The following GPT2 variants were observed in gnomAD, a reference collection of about 807,000 sequenced individuals.
GPT2 encodes the protein glutamic--pyruvic transaminase 2.
In GPT2, 30 loss-of-function variants were observed where a neutral mutation model predicts 56.9. The ratio of observed to expected loss-of-function variants is 0.53; its 90% CI spans 0.39 to 0.72. The LOEUF (loss-of-function observed/expected upper bound fraction) is 0.72. Ranked by LOEUF, GPT2 falls within the 30% of genes least tolerant of loss-of-function variation. GPT2 has a pLI of 0.00. For missense variants in GPT2, 542 were observed against 703.4 expected, an observed-to-expected ratio of 0.77 and a Z score of 2.60; for synonymous variants, 271 against 283.1, an observed-to-expected ratio of 0.96 and a Z score of 0.43.
In GPT2 at chr16:46,897,744, C is replaced by T. The variant is rs773991052; in HGVS notation, c.333+7C>T. ...AATCACCTTCCTCCGGCAGGTGAGC[C>T]GCCCCCAGGAGCAGAGGCTGCAGGA... is the stretch of plus-strand genomic sequence containing the variant. On this transcript the variant is annotated splice_region_variant and intron_variant, in intron 3 of 11. Transcript: ENST00000340124. 4.3e-5 allele frequency: 69 copies of T among 1,613,312 alleles called. 1 individual carries two copies. The South Asian group carries it at 4.5e-4, about 11-fold the overall frequency.
At chr16:46,913,182 G>A (rs1357999957) in intron 6 of GPT2, among the ~76,000 whole-genome samples, 2 of 152,170 alleles carry the variant, frequency 1.3e-5, no homozygotes, top group African/African-American at 4.8e-5. Context: ...TTATCCTCAC[G>A]CTGTGTGTAA....
rs1596639216 is a variant in GPT2, at chr16:46,929,138, GTCTT to G, written c.*147_*150del. ...TCGTCATCATTTTGCCCCTGGAGAC[GTCTT>G]TCTTTGTGCCTTGATGTTGAGAGCG... On this transcript the variant is annotated 3_prime_UTR_variant, in exon 12 of 12. Coordinates refer to ENST00000340124, the MANE Select transcript of GPT2 (RefSeq NM_133443.4). 3.1e-6 allele frequency: 2 copies of G among 649,962 alleles called. No homozygotes were observed. The highest frequency in any genetic ancestry group is 2.7e-5 in the East Asian group (1 of 36,682). The allele number at this position is 649,962 out of a possible 1,614,324, so 40.3% of individuals were successfully genotyped here.
At chr16:46,909,286 A>AAT (rs896717880) in intron 5 of GPT2, among the ~76,000 whole-genome samples, 25 of 152,278 alleles carry the variant, frequency 1.6e-4, no homozygotes, top group Admixed American at 4.6e-4. Flanking sequence ...TCTGTTTAAA[A>AAT]ATATATATTT....
intron 2 of GPT2, among the ~76,000 whole-genome samples, chr16:46,885,972 G>A (rs1960475324): frequency 6.6e-6 from 1 of 152,172 alleles, no homozygotes; most frequent in Non-Finnish European, 1.5e-5. Context: ...TCCCATGAAT[G>A]CATGGCAGTA....
intron 6 of GPT2, chr16:46,915,673 C>T (rs1596627828): frequency 6.8e-6 from 1 of 147,264 alleles, no homozygotes; most frequent in East Asian, 2.1e-4. Context: ...ACAGACACAC[C>T]TCAACACACC....
chr16:46,913,968 A>G (rs1961093942), intron 6 of GPT2, among the ~76,000 whole-genome samples: 1 of 152,178 alleles, frequency 6.6e-6, no homozygotes, highest in Non-Finnish European at 1.5e-5. Flanking sequence ...ATAGAAACAT[A>G]TGTACACACA....
At chr16:46,898,675 G>A (rs1365229875) in intron 3 of GPT2, among the ~76,000 whole-genome samples, 3 of 151,838 alleles carry the variant, frequency 2.0e-5, no homozygotes, top group Non-Finnish European at 4.4e-5. Flanking sequence ...TCAGCCTCCT[G>A]AGTAGCTGGG....
At chr16:46,928,780 G>A in intron 11 of GPT2, 127 bp from the exon 12 acceptor site, 1 of 703,430 alleles carries the variant, frequency 1.4e-6, no homozygotes. Flanking sequence ...GTGCTGTCCG[G>A]GCTGGAGCTG....
At chr16:46,887,206 C>T (rs570390284) in intron 2 of GPT2, among the ~76,000 whole-genome samples, 4 of 151,788 alleles carry the variant, frequency 2.6e-5, no homozygotes, top group Admixed American at 1.3e-4. Flanking sequence ...CGGTGGCTCA[C>T]GCCTGTAATC....
intron 11 of GPT2, among the ~76,000 whole-genome samples, chr16:46,927,961 G>T (rs1254324089): frequency 1.3e-5 from 2 of 152,130 alleles, no homozygotes; most frequent in African/African-American, 2.4e-5. Context: ...GATAAAAAAG[G>T]CCCCTCAGGT....
intron 8 of GPT2, among the ~76,000 whole-genome samples, chr16:46,919,035 C>A (rs1961228393): frequency 6.6e-6 from 1 of 152,198 alleles, no homozygotes; most frequent in South Asian, 2.1e-4. Context: ...TTCTCTGTCA[C>A]TTGTTCCGAG....
At chr16:46,919,546 A>G (rs1221694733) in intron 8 of GPT2, among the ~76,000 whole-genome samples, 1 of 152,228 alleles carries the variant, frequency 6.6e-6, no homozygotes, top group African/African-American at 2.4e-5. Context: ...TGCTGGCAGA[A>G]CACACCTGCC....
chr16:46,897,972 C>T (rs543974501), intron 3 of GPT2, among the ~76,000 whole-genome samples: 59 of 152,278 alleles, frequency 3.9e-4, no homozygotes, highest in African/African-American at 1.3e-3. Context: ...AGGCGGGGTC[C>T]TGGGAGCTGA....
chr16:46,884,800 G>T lies in GPT2; in HGVS notation c.85G>T (p.Ala29Ser). ...SWGRSQSSAA[A>S]EASAVLKVRP... ...GGGCCGCAGCCAGAGCAGCGCGGCCGCCGAGGCCTCGGCGGTGCTCAAGGT... is the reference window on the plus strand; with the variant it reads ...GGGCCGCAGCCAGAGCAGCGCGGCCTCCGAGGCCTCGGCGGTGCTCAAGGT... Residue 29 changes from alanine to serine, a missense_variant, in exon 2 of 12, where the codon GCC becomes TCC. Ala to Ser is a moderately conservative substitution (Grantham distance 99). Transcript: ENST00000340124. The T allele has an allele frequency of 6.6e-7, 1 of 1,517,566 alleles. No individual in the cohort carries two copies. The highest frequency in any genetic ancestry group is 8.8e-7 in the Non-Finnish European group (1 of 1,132,698). 94.0% of individuals were successfully genotyped at this position (1,517,566 alleles called of 1,614,324 possible).
intron 5 of GPT2, among the ~76,000 whole-genome samples, chr16:46,907,228 C>T (rs957734801): frequency 3.3e-5 from 5 of 152,242 alleles, no homozygotes; most frequent in Non-Finnish European, 4.4e-5. Context: ...GGGGGACACC[C>T]GAGGGTAGCC....
At chr16:46,915,847 CACAT>C (rs1455462058) in intron 6 of GPT2, 1 of 149,522 alleles carries the variant, frequency 6.7e-6, no homozygotes, top group East Asian at 2.0e-4. Flanking sequence ...CACACCTACA[CACAT>C]ACACAGACAC....
At position 46,927,031 on chromosome 16, in the gene GPT2, A is replaced by G; in HGVS notation, c.1475A>G (p.His492Arg). 6.3e-7 allele frequency: 1 copy of G among 1,589,488 alleles called. No homozygotes were observed. Among genetic ancestry groups the G allele is most frequent in the East Asian group, 2.2e-5 (1 of 44,524 alleles). ...TTTGGGCAGAGGGAAGGCACTTACC[A>G]CTTCAGGTATGACTTCCTCTCCGCA... ...SGFGQREGTY[H>R]FRMTILPPVE... is the part of the protein sequence containing the mutation. The change falls in exon 11 of 12, where the codon CAC becomes CGC. Residue 492 changes from histidine (H) to arginine (R), a missense_variant. Coordinates refer to ENST00000340124, the MANE Select transcript of GPT2 (RefSeq NM_133443.4).
At chr16:46,895,943 C>T (rs769295254) in intron 2 of GPT2, among the ~76,000 whole-genome samples, 6 of 152,290 alleles carry the variant, frequency 3.9e-5, no homozygotes, top group African/African-American at 7.2e-5. Context: ...GTCACAAGCA[C>T]AGAGTTATAT....
chr16:46,912,410 C>G (rs1198131898), intron 6 of GPT2, among the ~76,000 whole-genome samples: 1 of 152,168 alleles, frequency 6.6e-6, no homozygotes, highest in Admixed American at 6.6e-5. Flanking sequence ...TACAGCCGAG[C>G]CTCTTCCAGA....
Sources: allele counts gnomAD v4.1 joint callset (sites outside exome capture counted in the v4.1 genomes callset), GRCh38; gene constraint gnomAD v4.1.1; transcripts MANE v1.5; gene names NCBI Gene and HGNC (gene_info 2026-07-23, HGNC 2026-07-21).